Variants in GPHN observed in about 807,000 individuals in gnomAD.
GPHN encodes the protein gephyrin.
GPHN carries 17 observed loss-of-function variants against 95.5 expected under a neutral mutation model. The ratio of observed to expected loss-of-function variants is 0.18; its 90% CI spans 0.12 to 0.27. The LOEUF (loss-of-function observed/expected upper bound fraction) is 0.27. GPHN is among the 10% of genes least tolerant of loss of function. The pLI, the probability that GPHN is intolerant of heterozygous loss-of-function variation, is 1.00. For missense variants in GPHN, 660 were observed against 978.1 expected (o/e 0.67, Z 4.34); for synonymous variants, 320 against 322.5 (o/e 0.99, Z 0.08).
the GPHN span, among the ~76,000 whole-genome samples, chr14:67,216,337 G>A: frequency 1.2e-4 from 18 of 151,936 alleles, no homozygotes; most frequent in Admixed American, 1.0e-3. Context: ...GGCAATGCTG[G>A]CCTCATAGAA....
At chr14:67,411,317 C>T in the GPHN span, among the ~76,000 whole-genome samples, 1 of 152,138 alleles carries the variant, frequency 6.6e-6, no homozygotes, top group African/African-American at 2.4e-5. Context: ...GAGGTCAGAA[C>T]ATGCAGTTCC....
At chr14:67,135,851 C>G (rs140515458) in intron 17 of GPHN, among the ~76,000 whole-genome samples, 18 of 152,074 alleles carry the variant, frequency 1.2e-4, no homozygotes, top group Non-Finnish European at 2.5e-4. Context: ...CTTGCTCTGT[C>G]TTCTTATTAT....
chr14:67,562,039 G>GC, the GPHN span: 1 of 1,613,276 alleles, frequency 6.2e-7, no homozygotes, highest in Non-Finnish European at 8.5e-7. Context: ...CTAGAAGGTA[G>GC]GCAGGCCAGG....
the GPHN span, among the ~76,000 whole-genome samples, chr14:67,639,164 T>A: frequency 6.6e-6 from 1 of 152,256 alleles, no homozygotes; most frequent in Non-Finnish European, 1.5e-5. Context: ...AAATTCTCTT[T>A]AGGTTCCTTT....
chr14:67,523,791 C>T, the GPHN span, among the ~76,000 whole-genome samples: 1 of 152,192 alleles, frequency 6.6e-6, no homozygotes, highest in African/African-American at 2.4e-5. Context: ...TCTTAGGTCC[C>T]TCAGCAAAGA....
At chr14:67,581,967 A>G in the GPHN span, 1 of 1,155,204 alleles carries the variant, frequency 8.7e-7, no homozygotes, top group South Asian at 1.5e-5. Context: ...GTGGGAAAAG[A>G]GTACTTTATC....
intron 1 of GPHN, among the ~76,000 whole-genome samples, chr14:66,649,335 T>TAA (rs796575144): frequency 7.0e-6 from 1 of 143,438 alleles, no homozygotes; most frequent in African/African-American, 2.6e-5. Flanking sequence ...CTCCATCTCT[T>TAA]AAAAAAAAAA....
At chr14:67,260,670 A>G in the GPHN span, among the ~76,000 whole-genome samples, 1 of 152,214 alleles carries the variant, frequency 6.6e-6, no homozygotes, top group Non-Finnish European at 1.5e-5. Flanking sequence ...TCTTGGTATA[A>G]GAAACAATAT....
At chr14:66,536,202 C>T (rs775464073) in intron 1 of GPHN, among the ~76,000 whole-genome samples, 3 of 152,162 alleles carry the variant, frequency 2.0e-5, no homozygotes, top group African/African-American at 4.8e-5. Context: ...ATTCCCACCT[C>T]GGCCTCCCAA....
At chr14:66,785,684 T>G (rs1214979198) in intron 3 of GPHN, among the ~76,000 whole-genome samples, 1 of 144,618 alleles carries the variant, frequency 6.9e-6, no homozygotes, top group Non-Finnish European at 1.5e-5. Context: ...ATGCATAGTA[T>G]GTCCTCTGAC....
chr14:66,920,920 G>A (rs991378646), intron 6 of GPHN, among the ~76,000 whole-genome samples: 82 of 152,068 alleles, frequency 5.4e-4, no homozygotes, highest in African/African-American at 1.9e-3. Context: ...ATTGCAAGTG[G>A]TGTTAATTCA....
At chr14:67,620,635 C>CGAAGCCCA in the GPHN span, among the ~76,000 whole-genome samples, 3 of 152,098 alleles carry the variant, frequency 2.0e-5, no homozygotes. Flanking sequence ...TCAGTCATCT[C>CGAAGCCCA]GAAGCCCAGA....
chr14:67,589,465 T>A, the GPHN span: 5 of 985,310 alleles, frequency 5.1e-6, no homozygotes, highest in Non-Finnish European at 6.0e-6. Flanking sequence ...AAAGTATTAA[T>A]GTGCTTGACA....
chr14:67,458,431 A>C, the GPHN span, among the ~76,000 whole-genome samples: 1 of 152,186 alleles, frequency 6.6e-6, no homozygotes, highest in Non-Finnish European at 1.5e-5. Flanking sequence ...GGGATACCAC[A>C]GTGAAGGAGA....
chr14:66,917,077 A>G (rs758334372), intron 6 of GPHN, among the ~76,000 whole-genome samples: 64 of 152,200 alleles, frequency 4.2e-4, no homozygotes, highest in Non-Finnish European at 7.6e-4. Flanking sequence ...TTAATCTACC[A>G]CTATTGATAT....
the GPHN span, chr14:67,727,323 T>C: frequency 1.3e-6 from 1 of 771,034 alleles, no homozygotes; most frequent in Non-Finnish European, 2.2e-6. Context: ...AATGAAATTA[T>C]GAATGGAATA....
intron 1 of GPHN, among the ~76,000 whole-genome samples, chr14:66,620,208 GC>G (rs2063233724): frequency 6.6e-6 from 1 of 152,086 alleles, no homozygotes; most frequent in Non-Finnish European, 1.5e-5. Flanking sequence ...TACTCAAAAG[GC>G]AGTATTGCTA....
At chr14:67,706,738 C>T in the GPHN span, among the ~76,000 whole-genome samples, 48 of 152,134 alleles carry the variant, frequency 3.2e-4, 1 homozygote, top group African/African-American at 1.1e-3. Context: ...TTTTGGGGGC[C>T]GAGATCTTTT....
At chr14:66,786,018 A>C (rs1028773661) in intron 3 of GPHN, among the ~76,000 whole-genome samples, 11 of 152,250 alleles carry the variant, frequency 7.2e-5, no homozygotes, top group African/African-American at 2.6e-4. Flanking sequence ...ATATATTCAG[A>C]GCAATCAAAA....
Sources: gnomAD v4.1 joint callset for allele counts (sites outside exome capture counted in the v4.1 genomes callset) on GRCh38, gnomAD v4.1.1 for gene constraint, MANE v1.5 for transcripts, NCBI Gene and HGNC (gene_info 2026-07-23, HGNC 2026-07-21) for gene names.